MPP7: variants seen among roughly 807,000 people sequenced by gnomAD.
MPP7 encodes MAGUK p55 scaffold protein 7.
A neutral mutation model predicts 76.5 loss-of-function variants in MPP7; 60 were observed. That is an observed-to-expected ratio of 0.78 (90% CI 0.64 to 0.97). MPP7 has a LOEUF of 0.97. MPP7 is among the 50% of genes least tolerant of loss of function. The probability of loss-of-function intolerance (pLI) is 0.00; values close to 1 mark genes in which losing one functional copy is unlikely to be tolerated. For missense variants in MPP7, 641 were observed against 694.0 expected (o/e 0.92, Z 0.86); for synonymous variants, 237 against 244.5 (o/e 0.97, Z 0.29).
chr10:28,119,107 T>C (rs927251859), intron 11 of MPP7: 2 of 967,156 alleles, frequency 2.1e-6, no homozygotes, highest in African/African-American at 1.8e-5. Context: ...AGTTTTTCAG[T>C]AGTCATACGG....
chr10:28,217,344 C>T (rs12243947), intron 2 of MPP7, among the ~76,000 whole-genome samples: 26,309 of 151,846 alleles, frequency 0.17, 2,583 homozygotes, highest in African/African-American at 0.26. Context: ...GCCTGGGCAA[C>T]ATGGTGAAAC....
chr10:28,240,973 A>G (rs1839249407), intron 1 of MPP7, among the ~76,000 whole-genome samples: 1 of 152,104 alleles, frequency 6.6e-6, no homozygotes, highest in South Asian at 2.1e-4. Context: ...ATATATATGT[A>G]ATTTAAGTTT....
chr10:28,092,687 C>G (rs60533406), intron 11 of MPP7, among the ~76,000 whole-genome samples: 2,358 of 150,200 alleles, frequency 0.016, 64 homozygotes, highest in African/African-American at 0.053. Flanking sequence ...ATCTTCCCAC[C>G]TCAGCCCCCT....
At chr10:28,158,229 A>C (rs1836134895) in intron 3 of MPP7, among the ~76,000 whole-genome samples, 1 of 151,970 alleles carries the variant, frequency 6.6e-6, no homozygotes, top group Non-Finnish European at 1.5e-5. Context: ...TCTAAGAAAA[A>C]CTCCAAACAG....
At chr10:28,092,414 C>T (rs1405126130) in intron 11 of MPP7, among the ~76,000 whole-genome samples, 1 of 152,080 alleles carries the variant, frequency 6.6e-6, no homozygotes, top group East Asian at 1.9e-4. Flanking sequence ...TAAATACATC[C>T]CTCTGGCCCT....
intron 3 of MPP7, among the ~76,000 whole-genome samples, 166 bp from the exon 4 acceptor site, chr10:28,150,225 C>A (rs1835839828): frequency 6.6e-6 from 1 of 152,142 alleles, no homozygotes; most frequent in Admixed American, 6.5e-5. Flanking sequence ...AATATAAACC[C>A]ATAGGTGACA....
intron 5 of MPP7, among the ~76,000 whole-genome samples, chr10:28,136,590 A>G (rs1358624267): frequency 6.6e-6 from 1 of 152,220 alleles, no homozygotes; most frequent in Non-Finnish European, 1.5e-5. Flanking sequence ...AAGAAAATTA[A>G]AAGTTATTAT....
intron 8 of MPP7, among the ~76,000 whole-genome samples, chr10:28,121,554 G>C (rs547551497): frequency 6.6e-6 from 1 of 152,168 alleles, no homozygotes; most frequent in Non-Finnish European, 1.5e-5. Context: ...ACAAGTTTTT[G>C]TTATCTCAGA....
intron 1 of MPP7, among the ~76,000 whole-genome samples, chr10:28,288,112 C>T (rs1197226807): frequency 2.6e-5 from 4 of 151,688 alleles, no homozygotes; most frequent in Admixed American, 6.6e-5. Flanking sequence ...GCTGCTTCTA[C>T]GAAACCAGAC....
At position 28,109,290 on chromosome 10, in the gene MPP7, A is replaced by AAAC. The variant is rs913501125; in HGVS notation, c.952+10358_952+10360dup. 1.4e-4 allele frequency among the ~76,000 whole-genome samples: 22 copies of AAAC among 152,198 alleles called. No individual in the cohort carries two copies. In the East Asian group the frequency reaches 2.1e-3, roughly 15 times the overall value. On this transcript the variant is annotated intron_variant, in intron 11 of 16. Coordinates refer to ENST00000683449, the MANE Select transcript of MPP7 (RefSeq NM_001318170.2). ...GCAACAGAGTGAGACTCCATCTCAA[A>AAAC]AACAACAACAACAACAACAAATAAG... is the stretch of plus-strand genomic sequence containing the variant.
At chr10:28,166,686 C>T (rs1016926065) in intron 3 of MPP7, among the ~76,000 whole-genome samples, 2 of 151,962 alleles carry the variant, frequency 1.3e-5, no homozygotes, top group African/African-American at 4.8e-5. Flanking sequence ...GGATTACAGG[C>T]GTGAGCCACC....
At chr10:28,208,435 G>A (rs1446774006) in intron 2 of MPP7, among the ~76,000 whole-genome samples, 1 of 152,198 alleles carries the variant, frequency 6.6e-6, no homozygotes, top group African/African-American at 2.4e-5. Context: ...ACCCCCTCCA[G>A]TACATAGGCA....
At position 28,089,654 on chromosome 10, in the gene MPP7, C is replaced by T. The variant is rs779371504; in HGVS notation, c.1123+17G>A. On this transcript the variant is annotated intron_variant, in intron 12 of 16. Transcript: ENST00000683449. ...TCACTCATTTCCTCAGAATTACTCA[C>T]AGAAACAAGCACTTACCAACCAAGA... 283 of 1,604,286 alleles carry T rather than the reference C, an allele frequency of 1.8e-4. No homozygotes were observed. The highest frequency in any genetic ancestry group is 2.3e-4 in the Non-Finnish European group (270 of 1,174,786).
At chr10:28,332,367 T>TA (rs1834479878) in intron 1 of MPP7, among the ~76,000 whole-genome samples, 1 of 152,046 alleles carries the variant, frequency 6.6e-6, no homozygotes, top group Non-Finnish European at 1.5e-5. Flanking sequence ...CCCTCTTACT[T>TA]ATGATGTAAC....
At chr10:28,136,218 A>G (rs1200375827) in intron 5 of MPP7, among the ~76,000 whole-genome samples, 1 of 151,958 alleles carries the variant, frequency 6.6e-6, no homozygotes, top group Non-Finnish European at 1.5e-5. Context: ...TGATTATGTA[A>G]TAATAATAGA....
intron 3 of MPP7, among the ~76,000 whole-genome samples, chr10:28,172,278 T>C (rs1318637744): frequency 1.3e-5 from 2 of 152,214 alleles, no homozygotes; most frequent in African/African-American, 4.8e-5. Context: ...CATTGTTAAG[T>C]AAAATACGTG....
chr10:28,327,517 T>C (rs368982898), intron 2 of MPP7, among the ~76,000 whole-genome samples: 1 of 152,184 alleles, frequency 6.6e-6, no homozygotes, highest in East Asian at 1.9e-4. Flanking sequence ...ATAACAACTT[T>C]TGATTTTTTT....
At chr10:28,134,707 A>C (rs531435507) in intron 5 of MPP7, among the ~76,000 whole-genome samples, 59 of 152,298 alleles carry the variant, frequency 3.9e-4, no homozygotes, top group African/African-American at 1.3e-3. Flanking sequence ...ACAAGGAAAG[A>C]TAAAAAGAAA....
chr10:28,257,179 A>T (rs988823976), intron 1 of MPP7, among the ~76,000 whole-genome samples: 2 of 152,204 alleles, frequency 1.3e-5, no homozygotes, highest in African/African-American at 4.8e-5. Context: ...TTGAGATGTC[A>T]CAGTATTAAA....
Sources: allele counts gnomAD v4.1 joint callset (sites outside exome capture counted in the v4.1 genomes callset), GRCh38; gene constraint gnomAD v4.1.1; transcripts MANE v1.5; gene names NCBI Gene and HGNC (gene_info 2026-07-23, HGNC 2026-07-21).